The following RGL1 variants were observed in gnomAD, a reference collection of about 807,000 sequenced individuals.
RGL1 encodes ral guanine nucleotide dissociation stimulator like 1.
A neutral mutation model predicts 95.2 loss-of-function variants in RGL1; 24 were observed. That is an observed-to-expected ratio of 0.25 (90% CI 0.18 to 0.35). RGL1 has a LOEUF of 0.35. Ranked by LOEUF, RGL1 falls within the 10% of genes least tolerant of loss-of-function variation. RGL1 has a pLI of 1.00. For missense variants in RGL1, 715 were observed against 936.3 expected (o/e 0.76, Z 3.08); for synonymous variants, 329 against 344.9 (o/e 0.95, Z 0.51).
At chr1:183,805,971 C>CTTTTCTTTTTTTTTTTTTTTTTTTTTTT (rs1661282214) in intron 1 of RGL1, among the ~76,000 whole-genome samples, 1 of 74,676 alleles carries the variant, frequency 1.3e-5, no homozygotes, top group African/African-American at 5.1e-5. Flanking sequence ...CTTTTCTTTT[C>CTTTTCTTTTTTTTTTTTTTTTTTTTTTT]TTTTTTTTTT....
At position 183,866,018 on chromosome 1, in the gene RGL1, A is replaced by T. The variant is rs752067488; in HGVS notation, c.370A>T (p.Asn124Tyr). 3.5e-5 allele frequency: 57 copies of T among 1,613,840 alleles called. No individual in the cohort carries two copies. The highest frequency in any genetic ancestry group is 4.7e-5 in the Non-Finnish European group (55 of 1,179,904). ...CAGGTATGGAAACCTGACAAGCCCA[A>T]ACTGTGAAGAAGATGGAAGCCAAAG... ...LDRYGNLTSP[N>Y]CEEDGSQSSS... is the part of the protein sequence containing the mutation. Residue 124 changes from asparagine to tyrosine, a missense_variant, in exon 4 of 18, where the codon AAC becomes TAC. By Grantham distance (143) the Asn-to-Tyr change is moderately radical. Coordinates refer to ENST00000360851, the MANE Select transcript of RGL1 (RefSeq NM_001297671.3).
At chr1:183,900,775 GGATTACAGGC>G (rs1475975547) in intron 11 of RGL1, among the ~76,000 whole-genome samples, 42 of 151,972 alleles carry the variant, frequency 2.8e-4, no homozygotes, top group Admixed American at 2.8e-3. Context: ...CAAAGTGCTG[GGATTACAGGC>G]GTTGAGCCAC....
intron 2 of RGL1, among the ~76,000 whole-genome samples, chr1:183,834,407 C>T (rs1225016064): frequency 6.6e-6 from 1 of 152,124 alleles, no homozygotes; most frequent in Admixed American, 6.5e-5. Context: ...CTGACTGCCA[C>T]CTTTATCATT....
At chr1:183,777,232 C>G (rs932186883) in intron 2 of RGL1, among the ~76,000 whole-genome samples, 2 of 152,172 alleles carry the variant, frequency 1.3e-5, no homozygotes, top group Non-Finnish European at 2.9e-5. Context: ...ACAAAGTTAA[C>G]TTTATCTTAA....
At chr1:183,696,252 T>G (rs1156613947) in intron 1 of RGL1, among the ~76,000 whole-genome samples, 2 of 152,160 alleles carry the variant, frequency 1.3e-5, no homozygotes, top group East Asian at 1.9e-4. Context: ...TCTTCCCATC[T>G]CAAAGGCCAC....
intron 12 of RGL1, 99 bp downstream of exon 12, chr1:183,902,699 T>A: frequency 1.8e-6 from 2 of 1,094,734 alleles, no homozygotes; most frequent in Non-Finnish European, 2.7e-6. Flanking sequence ...AAAAATGAGT[T>A]AGCACCTACT....
At chr1:183,648,014 C>G in intron 1 of RGL1, 1 of 1,614,208 alleles carries the variant, frequency 6.2e-7, no homozygotes, top group African/African-American at 1.3e-5. Context: ...TCTCTAAAGC[C>G]TCCTGAGCTT....
chr1:183,810,325 G>C (rs1288421179), intron 2 of RGL1, among the ~76,000 whole-genome samples: 1 of 152,174 alleles, frequency 6.6e-6, no homozygotes, highest in Admixed American at 6.5e-5. Context: ...GGTCACTTCT[G>C]CAAAATTTGT....
intron 3 of RGL1, among the ~76,000 whole-genome samples, chr1:183,861,937 C>CTAG (rs1196575503): frequency 6.6e-6 from 1 of 152,192 alleles, no homozygotes; most frequent in African/African-American, 2.4e-5. Context: ...CCTTCTTAAT[C>CTAG]TAGTAGTACT....
At chr1:183,840,121 T>C (rs1663941669) in intron 2 of RGL1, among the ~76,000 whole-genome samples, 1 of 152,162 alleles carries the variant, frequency 6.6e-6, no homozygotes, top group Admixed American at 6.5e-5. Flanking sequence ...CTGGCCACTC[T>C]TTGTAGTATT....
In RGL1 at chr1:183,922,353, G is replaced by A; in HGVS notation, c.2119+17G>A. 6.3e-7 allele frequency: 1 copy of A among 1,589,308 alleles called. No homozygotes were observed. The highest frequency in any genetic ancestry group is 8.6e-7 in the Non-Finnish European group (1 of 1,159,552). ...AGGACAAAGGTGGGCATCCTTCCGA[G>A]ACAGGCATGTTCCTTCCCAGGGCAG... On this transcript the variant is annotated intron_variant, in intron 17 of 17. Transcript: ENST00000360851.
Position 183,830,393 on chromosome 1 carries a change from T to C in RGL1, c.139-17173T>C, listed in dbSNP as rs1207997246. 2.0e-5 allele frequency among the ~76,000 whole-genome samples: 3 copies of C among 152,240 alleles called. No homozygotes were observed. In the East Asian group the frequency reaches 5.8e-4, roughly 29 times the overall value. ...TCATGCAGAAAGTATTGGAAGCTGC[T>C]TGGTAGTCCAATGCCTCACAAGTAA... On this transcript the variant is annotated intron_variant, in intron 2 of 17. Coordinates refer to ENST00000360851, the MANE Select transcript of RGL1 (RefSeq NM_001297671.3).
At chr1:183,728,301 C>A (rs1185830131) in intron 1 of RGL1, among the ~76,000 whole-genome samples, 1 of 152,068 alleles carries the variant, frequency 6.6e-6, no homozygotes, top group Non-Finnish European at 1.5e-5. Flanking sequence ...ATCAGCTCTC[C>A]TGTGTTTCCA....
chr1:183,750,700 C>G (rs1361426002), intron 2 of RGL1, among the ~76,000 whole-genome samples: 1 of 152,226 alleles, frequency 6.6e-6, no homozygotes, highest in Non-Finnish European at 1.5e-5. Flanking sequence ...TTGGATTTAT[C>G]TACCTTTGAT....
At chr1:183,689,457 T>A (rs75838347) in intron 1 of RGL1, among the ~76,000 whole-genome samples, 1 of 152,214 alleles carries the variant, frequency 6.6e-6, no homozygotes, top group Non-Finnish European at 1.5e-5. Flanking sequence ...CAATTTTTTT[T>A]AGCATCTATT....
intron 14 of RGL1, among the ~76,000 whole-genome samples, chr1:183,909,200 T>C (rs2102722185): frequency 6.6e-6 from 1 of 152,354 alleles, no homozygotes; most frequent in Admixed American, 6.5e-5. Context: ...TGCATACCAT[T>C]ATTTTTCAAA....
chr1:183,869,277 G>T (rs767338430), intron 4 of RGL1, among the ~76,000 whole-genome samples: 2 of 152,196 alleles, frequency 1.3e-5, no homozygotes, highest in Non-Finnish European at 2.9e-5. Flanking sequence ...CGAATTCGTT[G>T]TATACTAGGA....
chr1:183,739,963 T>C (rs1657188719), intron 1 of RGL1, among the ~76,000 whole-genome samples: 1 of 151,926 alleles, frequency 6.6e-6, no homozygotes, highest in Non-Finnish European at 1.5e-5. Flanking sequence ...ATTGTTCCCA[T>C]GAGATTTTGT....
At chr1:183,834,783 C>T (rs145508970) in intron 2 of RGL1, among the ~76,000 whole-genome samples, 32 of 152,018 alleles carry the variant, frequency 2.1e-4, no homozygotes, top group African/African-American at 7.2e-4. Context: ...TGTACTCGTC[C>T]GTTCAAGAGA....
Sources: gnomAD v4.1 joint callset for allele counts (sites outside exome capture counted in the v4.1 genomes callset) on GRCh38, gnomAD v4.1.1 for gene constraint, MANE v1.5 for transcripts, NCBI Gene and HGNC (gene_info 2026-07-23, HGNC 2026-07-21) for gene names.